Variants in AGBL4 observed in about 807,000 individuals in gnomAD.
AGBL4 encodes the protein cytosolic carboxypeptidase 6.
A neutral mutation model predicts 66.4 loss-of-function variants in AGBL4; 58 were observed. That is an observed-to-expected ratio of 0.87 (90% CI 0.71 to 1.09). The LOEUF is 1.09. Ranked by LOEUF, AGBL4 falls within the 50% of genes least tolerant of loss-of-function variation. AGBL4 has a pLI of 0.00. For synonymous variants in AGBL4, 234 were observed against 222.9 expected (o/e 1.05, Z -0.44); for missense variants, 579 against 631.0 (o/e 0.92, Z 0.88).
intron 4 of AGBL4, among the ~76,000 whole-genome samples, chr1:49,175,340 G>T (rs1262078347): frequency 6.6e-6 from 1 of 151,906 alleles, no homozygotes; most frequent in Non-Finnish European, 1.5e-5. Context: ...GAATATGGAA[G>T]GGATGGACTG....
At chr1:48,658,530 C>T (rs1007532419) in intron 7 of AGBL4, among the ~76,000 whole-genome samples, 3 of 152,176 alleles carry the variant, frequency 2.0e-5, no homozygotes, top group Non-Finnish European at 4.4e-5. Flanking sequence ...GGAGTCTGGC[C>T]CTGATGACCT....
intron 3 of AGBL4, among the ~76,000 whole-genome samples, chr1:49,424,568 A>T (rs1476657134): frequency 1.3e-5 from 2 of 152,228 alleles, no homozygotes; most frequent in Non-Finnish European, 2.9e-5. Context: ...TTAATTGAAC[A>T]TCTCAACTGT....
intron 5 of AGBL4, among the ~76,000 whole-genome samples, chr1:48,948,941 G>A (rs903607087): frequency 1.3e-5 from 2 of 152,140 alleles, no homozygotes; most frequent in Non-Finnish European, 2.9e-5. Flanking sequence ...ACAGAAACAT[G>A]TATTGTGCAC....
intron 3 of AGBL4, among the ~76,000 whole-genome samples, chr1:49,689,157 C>A (rs953281939): frequency 1.3e-5 from 2 of 152,114 alleles, no homozygotes; most frequent in African/African-American, 2.4e-5. Context: ...CACGCCAATG[C>A]CCTGGAGAGT....
intron 4 of AGBL4, among the ~76,000 whole-genome samples, chr1:49,078,732 T>A (rs1367362675): frequency 6.6e-6 from 1 of 152,146 alleles, no homozygotes; most frequent in Non-Finnish European, 1.5e-5. Flanking sequence ...CCTCCTTATC[T>A]TTCTCCTGGA....
intron 1 of AGBL4, among the ~76,000 whole-genome samples, chr1:49,912,331 C>T (rs1650923317): frequency 6.6e-6 from 1 of 152,200 alleles, no homozygotes. Context: ...AGTTGGGGAG[C>T]TATCCCATCT....
At chr1:48,768,393 C>A (rs1250853356) in intron 6 of AGBL4, among the ~76,000 whole-genome samples, 1 of 151,992 alleles carries the variant, frequency 6.6e-6, no homozygotes, top group Non-Finnish European at 1.5e-5. Flanking sequence ...AAAGAGCTTT[C>A]TTGTAAAAAA....
intron 4 of AGBL4, among the ~76,000 whole-genome samples, chr1:49,090,326 A>C (rs1345544274): frequency 1.3e-5 from 2 of 152,174 alleles, no homozygotes; most frequent in Non-Finnish European, 2.9e-5. Context: ...ATAATTCTAT[A>C]CCTAGAAAAC....
chr1:49,939,271 T>C (rs1170342249), intron 1 of AGBL4, among the ~76,000 whole-genome samples: 4 of 149,848 alleles, frequency 2.7e-5, no homozygotes, highest in Admixed American at 2.0e-4. Context: ...AAAATGGCCA[T>C]ACTGCCCAAG....
intron 2 of AGBL4, among the ~76,000 whole-genome samples, chr1:49,723,378 C>T (rs571389654): frequency 2.1e-3 from 326 of 152,252 alleles, no homozygotes; most frequent in African/African-American, 7.7e-3. Context: ...ATCTAATTTC[C>T]ATTGAGCCTA....
intron 2 of AGBL4, among the ~76,000 whole-genome samples, chr1:49,847,057 C>A (rs1646165895): frequency 6.6e-6 from 1 of 152,184 alleles, no homozygotes; most frequent in Non-Finnish European, 1.5e-5. Context: ...TTAACCAAAA[C>A]AGCATGGTAC....
chr1:49,880,743 G>A (rs995975080), intron 1 of AGBL4, among the ~76,000 whole-genome samples: 8 of 152,118 alleles, frequency 5.3e-5, no homozygotes, highest in African/African-American at 1.9e-4. Context: ...GCAATGGCGG[G>A]CGCCCCTCCC....
chr1:49,644,633 G>C (rs1249993194), intron 3 of AGBL4, among the ~76,000 whole-genome samples: 2 of 151,390 alleles, frequency 1.3e-5, no homozygotes, highest in African/African-American at 4.8e-5. Flanking sequence ...ACTGGTAAAA[G>C]CTTCTAGGAG....
At chr1:49,207,970 T>A (rs932337002) in intron 4 of AGBL4, among the ~76,000 whole-genome samples, 1 of 152,080 alleles carries the variant, frequency 6.6e-6, no homozygotes, top group Non-Finnish European at 1.5e-5. Context: ...AACTCTTACT[T>A]CTCATTTTAC....
chr1:49,094,858 A>G (rs1645066144), intron 4 of AGBL4, among the ~76,000 whole-genome samples: 1 of 152,168 alleles, frequency 6.6e-6, no homozygotes. Flanking sequence ...AGAAGGAAAT[A>G]AAGGGTATTC....
intron 5 of AGBL4, among the ~76,000 whole-genome samples, chr1:48,926,078 CA>C (rs1654533544): frequency 6.6e-6 from 1 of 152,026 alleles, no homozygotes; most frequent in Non-Finnish European, 1.5e-5. Flanking sequence ...AAGGGGCTGC[CA>C]AAATGTTGAT....
chr1:49,602,849 A>C (rs1644987617), intron 3 of AGBL4, among the ~76,000 whole-genome samples: 1 of 151,446 alleles, frequency 6.6e-6, no homozygotes, highest in African/African-American at 2.4e-5. Flanking sequence ...ATAAATAAAT[A>C]AATAAATAAA....
At chr1:49,362,613 G>A (rs148333723) in intron 3 of AGBL4, among the ~76,000 whole-genome samples, 4 of 152,118 alleles carry the variant, frequency 2.6e-5, no homozygotes, top group African/African-American at 4.8e-5. Context: ...CTCAGAGCTC[G>A]TTTAGGACCC....
intron 3 of AGBL4, among the ~76,000 whole-genome samples, chr1:49,541,129 A>G (rs1360361863): frequency 6.6e-6 from 1 of 152,258 alleles, no homozygotes; most frequent in African/African-American, 2.4e-5. Context: ...ATTATATGTG[A>G]CAATGCTTGT....
Sources: allele counts gnomAD v4.1 joint callset (sites outside exome capture counted in the v4.1 genomes callset), GRCh38; gene constraint gnomAD v4.1.1; transcripts MANE v1.5; gene names NCBI Gene and HGNC (gene_info 2026-07-23, HGNC 2026-07-21).